The following ESRRG variants were observed in gnomAD, a reference collection of about 807,000 sequenced individuals.
ESRRG encodes estrogen-related receptor gamma.
ESRRG carries 13 observed loss-of-function variants against 44.0 expected under a neutral mutation model. The ratio of observed to expected loss-of-function variants is 0.30; its 90% CI spans 0.19 to 0.47. ESRRG has a LOEUF of 0.47. Ranked by LOEUF, ESRRG falls within the 20% of genes least tolerant of loss-of-function variation. The pLI is 1.00. For synonymous variants in ESRRG, 215 were observed against 214.6 expected, an observed-to-expected ratio of 1.00 and a Z score of -0.02; for missense variants, 395 against 580.6, an observed-to-expected ratio of 0.68 and a Z score of 3.29.
intron 2 of ESRRG, among the ~76,000 whole-genome samples, chr1:216,782,777 A>T (rs1314060691): frequency 2.6e-5 from 4 of 151,902 alleles, no homozygotes; most frequent in African/African-American, 9.7e-5. Context: ...AAACTGTGGG[A>T]TCTAGACAAA....
intron 1 of ESRRG, among the ~76,000 whole-genome samples, chr1:216,984,212 C>T (rs1384633333): frequency 2.0e-5 from 3 of 152,128 alleles, no homozygotes; most frequent in Admixed American, 1.3e-4. Flanking sequence ...CAGGAATATA[C>T]TCTTCCGTAT....
chr1:217,056,432 T>C (rs2087107603), intron 1 of ESRRG, among the ~76,000 whole-genome samples: 1 of 152,078 alleles, frequency 6.6e-6, no homozygotes, highest in South Asian at 2.1e-4. Context: ...AAAGAATTTA[T>C]ACTAAAACAA....
rs1483806971 is a variant in ESRRG, at chr1:216,851,711, C to T, written c.-14+87871G>A. On this transcript the variant is annotated intron_variant, in intron 2 of 7. Coordinates refer to the ESRRG transcript ENST00000359162. ...CCACACAGTCTATGGTGCTTCATTA[C>T]AGCAGGCCGAACTAAGACACTACTG... 2.6e-5 allele frequency among the ~76,000 whole-genome samples: 4 copies of T among 152,194 alleles called. No homozygotes were observed. In the South Asian group the frequency reaches 6.2e-4, roughly 24 times the overall value.
At chr1:216,523,226 G>A (rs762583754) in intron 5 of ESRRG, among the ~76,000 whole-genome samples, 1 of 152,108 alleles carries the variant, frequency 6.6e-6, no homozygotes, top group Non-Finnish European at 1.5e-5. Context: ...GCCATTTAAT[G>A]TATCTCAGGC....
intron 3 of ESRRG, among the ~76,000 whole-genome samples, chr1:216,603,738 G>A (rs1310046706): frequency 1.3e-5 from 2 of 152,086 alleles, no homozygotes; most frequent in South Asian, 2.1e-4. Context: ...AGACCAGCCT[G>A]GCCAACATGG....
In ESRRG at chr1:216,514,985, C is replaced by A. The variant is rs78483749; in HGVS notation, c.1132+4167G>T. On this transcript the variant is annotated intron_variant, in intron 6 of 6. Transcript: ENST00000408911. ...ACACACACACACACACACACACACA[C>A]AACACACACTTACATATGCACATAT... Among the ~76,000 whole-genome samples, 572 of 143,548 alleles carry A rather than the reference C, an allele frequency of 4.0e-3. 4 individuals carry two copies. Among genetic ancestry groups the A allele is most frequent in the African/African-American group, 0.014 (540 of 38,418 alleles). 94.2% of individuals were successfully genotyped at this position (143,548 alleles called of 152,430 possible). A position where few individuals can be genotyped will look rare whatever the true frequency, so the allele number is the denominator to read the frequency against.
chr1:216,700,379 G>A lies in ESRRG; in HGVS notation c.56+22865C>T, dbSNP rs2081163264. On this transcript the variant is annotated intron_variant, in intron 1 of 6. Transcript: ENST00000408911. ...TAAGTACTTTCTAAGCATTTTATCA[G>A]ATAAATAAAACATCACCACAGGATG... Among the ~76,000 whole-genome samples, 2 of 152,076 alleles carry A rather than the reference G, an allele frequency of 1.3e-5. 1 individual carries two copies. The highest frequency in any genetic ancestry group is 4.2e-4 in the South Asian group (2 of 4,818).
chr1:217,002,958 C>A (rs1560434263), intron 1 of ESRRG, among the ~76,000 whole-genome samples: 1 of 152,102 alleles, frequency 6.6e-6, no homozygotes, highest in African/African-American at 2.4e-5. Context: ...AAATAAAGTC[C>A]TCAGTATTAT....
intron 2 of ESRRG, among the ~76,000 whole-genome samples, chr1:216,753,309 T>C (rs17043715): frequency 0.024 from 3,687 of 152,194 alleles, 109 homozygotes; most frequent in East Asian, 0.091. Context: ...TTTGCAAAGA[T>C]ATGACAATTC....
chr1:216,854,655 G>A (rs2095896951), intron 2 of ESRRG, among the ~76,000 whole-genome samples: 1 of 152,072 alleles, frequency 6.6e-6, no homozygotes, highest in African/African-American at 2.4e-5. Context: ...GGCGCCTGAG[G>A]TAACTACTTA....
At chr1:217,045,986 AAAT>A (rs1307469609) in intron 1 of ESRRG, among the ~76,000 whole-genome samples, 1 of 152,136 alleles carries the variant, frequency 6.6e-6, no homozygotes, top group African/African-American at 2.4e-5. Flanking sequence ...GAGCAGAAGA[AAAT>A]AATAATTCTG....
At chr1:216,558,471 G>A (rs2058044982) in intron 5 of ESRRG, among the ~76,000 whole-genome samples, 1 of 152,012 alleles carries the variant, frequency 6.6e-6, no homozygotes, top group African/African-American at 2.4e-5. Context: ...ATTGATGTTT[G>A]TTCTGAATTT....
At chr1:216,661,807 T>A (rs2072509075) in intron 2 of ESRRG, among the ~76,000 whole-genome samples, 1 of 152,202 alleles carries the variant, frequency 6.6e-6, no homozygotes, top group Non-Finnish European at 1.5e-5. Context: ...AATATCTGCA[T>A]CCTCTAAAAT....
chr1:216,961,385 G>T (rs1030377565), intron 1 of ESRRG, among the ~76,000 whole-genome samples: 2 of 152,008 alleles, frequency 1.3e-5, no homozygotes, highest in Non-Finnish European at 2.9e-5. Context: ...ATAAAAAAAT[G>T]ATAAAGTCTA....
rs541213430 is a variant in ESRRG, at chr1:216,638,538, C to T, written c.589+12435G>A. ...CTCCATTTGACCCAGAGTCTATGCT[C>T]TTAATCTTTATGCTCTATTTCCCTC... On this transcript the variant is annotated intron_variant, in intron 3 of 6. Transcript: ENST00000408911. Among the ~76,000 whole-genome samples the T allele has an allele frequency of 9.4e-4, 143 of 152,230 alleles. 1 individual carries two copies. Among genetic ancestry groups the T allele is most frequent in the African/African-American group, 3.2e-3 (135 of 41,548 alleles).
At chr1:216,554,317 G>T (rs1446078455) in intron 5 of ESRRG, among the ~76,000 whole-genome samples, 1 of 151,984 alleles carries the variant, frequency 6.6e-6, no homozygotes, top group Non-Finnish European at 1.5e-5. Context: ...AGCCGGACTT[G>T]GTGGCATGCA....
intron 3 of ESRRG, among the ~76,000 whole-genome samples, chr1:216,600,846 A>T (rs1020674381): frequency 6.6e-6 from 1 of 152,214 alleles, no homozygotes; most frequent in Admixed American, 6.5e-5. Context: ...TCAGCCTCAC[A>T]GCGGGTCACA....
chr1:216,768,378 A>G (rs2093192825), intron 2 of ESRRG, among the ~76,000 whole-genome samples: 4 of 152,140 alleles, frequency 2.6e-5, no homozygotes. Context: ...GAGAAAGGAT[A>G]AATCATCTTT....
At chr1:216,901,173 G>A (rs907448669) in intron 2 of ESRRG, among the ~76,000 whole-genome samples, 2 of 151,964 alleles carry the variant, frequency 1.3e-5, no homozygotes, top group African/African-American at 2.4e-5. Context: ...GTGCATGGGG[G>A]GTGGGGGTGA....
Sources: allele counts gnomAD v4.1 joint callset (sites outside exome capture counted in the v4.1 genomes callset), GRCh38; gene constraint gnomAD v4.1.1; transcripts MANE v1.5; gene names NCBI Gene and HGNC (gene_info 2026-07-23, HGNC 2026-07-21).